Variants in PEX14 observed in about 807,000 individuals in gnomAD.
PEX14 encodes peroxisomal biogenesis factor 14.
In PEX14, 15 loss-of-function variants were observed where a neutral mutation model predicts 49.5. The observed-to-expected ratio is 0.30, with a 90% CI of 0.20 to 0.47. The LOEUF (loss-of-function observed/expected upper bound fraction) is 0.47, where lower values mean the gene tolerates loss of function less well. Ranked by LOEUF, PEX14 falls within the 20% of genes least tolerant of loss-of-function variation. The pLI is 1.00. For synonymous variants in PEX14, 210 were observed against 212.7 expected, an observed-to-expected ratio of 0.99 and a Z score of 0.11; for missense variants, 398 against 494.8, an observed-to-expected ratio of 0.80 and a Z score of 1.86.
Position 10,514,156 on chromosome 1 carries a change from CTG to C in PEX14, c.84+18877_84+18878del, listed in dbSNP as rs56306413. Reference sequence around the variant, plus strand: ...AAAATGTATAAAATAATCTATGCCTCTGTGTGTGTGTGTGTGTGTGTGTGTGT... The same window carrying C: ...AAAATGTATAAAATAATCTATGCCTCTGTGTGTGTGTGTGTGTGTGTGTGT... On this transcript the variant is annotated intron_variant, in intron 2 of 8. Coordinates refer to ENST00000356607, the MANE Select transcript of PEX14 (RefSeq NM_004565.3). This position sits in a 1 kb window ranked among gnomAD's most constrained non-coding sequence, Gnocchi z 4.4. Among the ~76,000 whole-genome samples the C allele has an allele frequency of 0.25, 36,360 of 142,822 alleles. 4,379 individuals carry two copies. Among genetic ancestry groups the C allele is most frequent in the Admixed American group, 0.29 (4,139 of 14,322 alleles). 93.7% of individuals were successfully genotyped at this position (142,822 alleles called of 152,430 possible). A position where few individuals can be genotyped will look rare whatever the true frequency, so the allele number is the denominator to read the frequency against.
chr1:10,520,153 T>TTTTTTTTTTTTTTTG (rs754714815), intron 2 of PEX14, among the ~76,000 whole-genome samples: 32 of 92,004 alleles, frequency 3.5e-4, no homozygotes, highest in Non-Finnish European at 6.2e-4. Flanking sequence ...TTCTTCTTTT[T>TTTTTTTTTTTTTTTG]TTTTTTTTTG....
At chr1:10,605,377 A>G (rs1641097326) in intron 4 of PEX14, among the ~76,000 whole-genome samples, 1 of 152,226 alleles carries the variant, frequency 6.6e-6, no homozygotes, top group South Asian at 2.1e-4. Context: ...GGAGAAAGAC[A>G]GGGAAGACCA....
intron 3 of PEX14, among the ~76,000 whole-genome samples, chr1:10,598,860 A>G (rs888743276): frequency 2.0e-5 from 3 of 147,426 alleles, no homozygotes; most frequent in African/African-American, 7.5e-5. Flanking sequence ...TTCGTGCATT[A>G]TTGTTAGTTT....
intron 3 of PEX14, among the ~76,000 whole-genome samples, chr1:10,556,620 G>C (rs1259640465): frequency 1.3e-5 from 2 of 152,160 alleles, no homozygotes; most frequent in Non-Finnish European, 2.9e-5. Context: ...TGGAGGGTTA[G>C]GGGGCAGGGT....
At chr1:10,591,635 C>CAG (rs71583886) in intron 3 of PEX14, among the ~76,000 whole-genome samples, 1 of 139,648 alleles carries the variant, frequency 7.2e-6, no homozygotes, top group Non-Finnish European at 1.6e-5. Flanking sequence ...GGTATACACA[C>CAG]TGTGTGTGTG....
chr1:10,538,614 C>T (rs927643820), intron 3 of PEX14, among the ~76,000 whole-genome samples: 1 of 152,242 alleles, frequency 6.6e-6, no homozygotes, highest in African/African-American at 2.4e-5. Context: ...AAAGCCCCTT[C>T]GCAGATTTAA....
chr1:10,622,034 G>A (rs1348574771), intron 5 of PEX14, among the ~76,000 whole-genome samples: 3 of 152,084 alleles, frequency 2.0e-5, no homozygotes, highest in Non-Finnish European at 4.4e-5. Flanking sequence ...CTCACCTGGG[G>A]GGCTTTGTCT....
chr1:10,557,958 T>C (rs1473827352), intron 3 of PEX14, among the ~76,000 whole-genome samples: 2 of 152,190 alleles, frequency 1.3e-5, no homozygotes, highest in Non-Finnish European at 2.9e-5. Context: ...GCACCATTTA[T>C]AGAACGATTT....
chr1:10,515,464 G>C (rs1022219598), intron 2 of PEX14, among the ~76,000 whole-genome samples: 3 of 152,138 alleles, frequency 2.0e-5, no homozygotes, highest in Admixed American at 2.0e-4. Context: ...TGTGTCCCAG[G>C]ATCGATGGGT....
intron 3 of PEX14, among the ~76,000 whole-genome samples, chr1:10,588,173 T>C (rs1640557715): frequency 2.0e-5 from 3 of 151,908 alleles, no homozygotes; most frequent in Admixed American, 2.0e-4. Flanking sequence ...TGAGCCGAGA[T>C]TGCACCACAG....
At chr1:10,535,186 T>TC (rs1209071766) in intron 2 of PEX14, among the ~76,000 whole-genome samples, 1 of 152,234 alleles carries the variant, frequency 6.6e-6, no homozygotes, top group Non-Finnish European at 1.5e-5. Flanking sequence ...ACAGCCCCTT[T>TC]CCTACCTGGG....
At chr1:10,506,669 G>A (rs1191164296) in intron 2 of PEX14, among the ~76,000 whole-genome samples, 1 of 152,274 alleles carries the variant, frequency 6.6e-6, no homozygotes, top group Admixed American at 6.5e-5. Context: ...AAACATTGCT[G>A]TCAAATTAGG....
rs1296615038 is a variant in PEX14 at position 10,577,581 on chromosome 1, T to A, written c.170-21657T>A. 5.9e-3 allele frequency among the ~76,000 whole-genome samples: 96 copies of A among 16,240 alleles called. 3 individuals are homozygous for A. The highest frequency in any genetic ancestry group is 0.012 in the African/African-American group (49 of 4,088). 10.7% of individuals were successfully genotyped at this position (16,240 alleles called of 152,430 possible). ...ATATATATTTTTTTTTTTTTTTTTT[T>A]TTTTTTTTTTTTTTTTTTTTTTTTT... On this transcript the variant is annotated intron_variant, in intron 3 of 8. Transcript: ENST00000356607.
intron 2 of PEX14, among the ~76,000 whole-genome samples, chr1:10,515,722 C>T (rs1043974627): frequency 6.6e-6 from 1 of 152,068 alleles, no homozygotes; most frequent in African/African-American, 2.4e-5. Flanking sequence ...GTAAAAAATC[C>T]TTCACCCGGC....
At chr1:10,524,001 A>C (rs1396742355) in intron 2 of PEX14, among the ~76,000 whole-genome samples, 2 of 152,068 alleles carry the variant, frequency 1.3e-5, no homozygotes, top group Non-Finnish European at 2.9e-5. Flanking sequence ...CCATCAGGTT[A>C]ATGTTTTGGT....
At position 10,475,022 on chromosome 1, in the gene PEX14, C is replaced by T. The variant is rs376946441; in HGVS notation, c.36+20C>T. ...AGCCAGGTAAGGGGAGTGGGACTGC[C>T]CCGCTGTGCGGCGGAGACCCCGGCT... On this transcript the variant is annotated intron_variant, in intron 1 of 8. Transcript: ENST00000356607. The T allele has an allele frequency of 1.1e-5, 18 of 1,604,318 alleles. No homozygotes were observed. The African/African-American group carries it at 1.2e-4, about 11-fold the overall frequency.
chr1:10,598,749 G>A (rs1640897664), intron 3 of PEX14, among the ~76,000 whole-genome samples: 1 of 151,958 alleles, frequency 6.6e-6, no homozygotes, highest in African/African-American at 2.4e-5. Flanking sequence ...TTTTATTTCT[G>A]CATTTGTCAT....
chr1:10,497,449 C>G (rs1430019887), intron 2 of PEX14, among the ~76,000 whole-genome samples: 1 of 152,214 alleles, frequency 6.6e-6, no homozygotes, highest in African/African-American at 2.4e-5. Flanking sequence ...CAGCTTAGCT[C>G]AGCTCAGGCC....
chr1:10,548,437 T>C (rs911780058), intron 3 of PEX14, among the ~76,000 whole-genome samples: 1 of 152,200 alleles, frequency 6.6e-6, no homozygotes, highest in Non-Finnish European at 1.5e-5. Context: ...CAATCTCTAC[T>C]GAAAAACATT....
Sources: allele counts gnomAD v4.1 joint callset (sites outside exome capture counted in the v4.1 genomes callset), GRCh38; gene constraint gnomAD v4.1.1; non-coding constraint Gnocchi (gnomAD v3.1); transcripts MANE v1.5; gene names NCBI Gene and HGNC (gene_info 2026-07-23, HGNC 2026-07-21).